TXNDC5: variants seen among roughly 807,000 people sequenced by gnomAD.
TXNDC5 encodes the protein thioredoxin domain-containing protein 5.
In TXNDC5, 44 loss-of-function variants were observed where a neutral mutation model predicts 52.6. The observed-to-expected ratio is 0.84, with a 90% confidence interval of 0.66 to 1.08. The LOEUF (loss-of-function observed/expected upper bound fraction) is 1.08, where lower values mean the gene tolerates loss of function less well. Among genes scored for constraint, TXNDC5 ranks in the 50% least tolerant of loss-of-function variants. The probability of loss-of-function intolerance (pLI) is 0.00; values close to 1 mark genes in which losing one functional copy is unlikely to be tolerated. For missense variants in TXNDC5, 600 were observed against 565.5 expected (o/e 1.06, Z -0.62); for synonymous variants, 241 against 234.4 (o/e 1.03, Z -0.26).
At chr6:7,887,980 C>T (rs988000485) in intron 7 of TXNDC5, among the ~76,000 whole-genome samples, 15 of 152,178 alleles carry the variant, frequency 9.9e-5, no homozygotes, top group African/African-American at 3.6e-4. Context: ...TCTCTAGCAG[C>T]CAAGCCCTGC....
At position 7,888,700 on chromosome 6, in the gene TXNDC5, C is replaced by A; in HGVS notation, c.963+5G>T. The A allele has an allele frequency of 1.2e-6, 2 of 1,607,354 alleles. No homozygotes were observed. The highest frequency in any genetic ancestry group is 1.7e-6 in the Non-Finnish European group (2 of 1,177,882). On this transcript the variant is annotated splice_donor_5th_base_variant and intron_variant, in intron 7 of 9. Transcript: ENST00000379757. ...ATGGGGATCCCGACTCCAGCAGGCA[C>A]CCACCTTGTCAGCCTCGGGCTCAGC...
intron 4 of TXNDC5, among the ~76,000 whole-genome samples, chr6:7,892,355 C>G (rs564879648): frequency 7.2e-5 from 11 of 152,214 alleles, no homozygotes; most frequent in African/African-American, 2.7e-4. Flanking sequence ...AAGTCTGGAC[C>G]ACGGGGAGCT....
intron 4 of TXNDC5, among the ~76,000 whole-genome samples, chr6:7,892,494 C>A (rs1489331599): frequency 6.6e-6 from 1 of 152,246 alleles, no homozygotes; most frequent in African/African-American, 2.4e-5. Flanking sequence ...CAGGAATGTG[C>A]ACTTCAGTGC....
chr6:7,908,610 C>T (rs562241754), intron 1 of TXNDC5, among the ~76,000 whole-genome samples: 1 of 152,054 alleles, frequency 6.6e-6, no homozygotes, highest in Admixed American at 6.5e-5. Flanking sequence ...CTGATTGAGG[C>T]CAGGAGTTTG....
intron 4 of TXNDC5, among the ~76,000 whole-genome samples, chr6:7,894,181 T>C (rs1760292009): frequency 6.6e-6 from 1 of 152,174 alleles, no homozygotes; most frequent in South Asian, 2.1e-4. Context: ...TACAGTGGCA[T>C]GATCACAGCT....
chr6:7,895,901 G>A (rs935626267), intron 3 of TXNDC5, among the ~76,000 whole-genome samples: 2 of 152,204 alleles, frequency 1.3e-5, no homozygotes, highest in Admixed American at 6.5e-5. Context: ...GCTGAGGTGG[G>A]AGGATCACTT....
rs754318499 is a variant in TXNDC5, at chr6:7,883,215, CACTG to C, written c.1224_1227del (p.Glu410ThrfsTer15). The C allele has an allele frequency of 7.4e-6, 12 of 1,614,022 alleles. No homozygotes were observed. Among genetic ancestry groups the C allele is most frequent in the Middle Eastern group, 1.6e-4 (1 of 6,084 alleles). Reference sequence around the variant, plus strand: ...TCAAGGTCTCTGCCTCCACTGTGCTCACTGACTTTCTTCCCTCCTCGGAAAAGCA... The same window carrying C: ...TCAAGGTCTCTGCCTCCACTGTGCTCACTTTCTTCCCTCCTCGGAAAAGCA... On this transcript the variant is annotated frameshift_variant, in exon 10 of 10. Transcript: ENST00000379757. LOFTEE classifies it high-confidence loss of function.
chr6:7,891,642 G>A lies in TXNDC5; in HGVS notation c.711C>T (p.Ser237=), dbSNP rs140867313. The A allele has an allele frequency of 2.4e-5, 38 of 1,613,660 alleles. 1 individual carries two copies. The highest frequency in any genetic ancestry group is 4.5e-5 in the East Asian group (2 of 44,876). ...TCACCTTGCCAATCTTGACAGTTTC[G>A]GAATGTTCAAGGCCCAGAGCCAGCT... ...WEQLALGLEH[S]ETVKIGKVDC... The change falls in exon 5 of 10, where the codon TCC becomes TCT. Residue 237 remains serine, a synonymous_variant. Coordinates refer to ENST00000379757, the MANE Select transcript of TXNDC5 (RefSeq NM_030810.5).
chr6:7,910,395 C>T lies in TXNDC5; in HGVS notation c.263+119G>A, dbSNP rs532782676. On this transcript the variant is annotated intron_variant, in intron 1 of 9. Transcript: ENST00000379757. ...AGCCCCGCGCCCGTAGCACGCACGC[C>T]GCAGACCAGAGCCGTCGGCGTCCAC... 1,231 of 1,151,234 alleles carry T rather than the reference C, an allele frequency of 1.1e-3. 2 individuals carry two copies. The highest frequency in any genetic ancestry group is 1.3e-3 in the Non-Finnish European group (1,177 of 920,336). 71.3% of individuals were successfully genotyped at this position (1,151,234 alleles called of 1,614,324 possible).
chr6:7,907,043 T>C (rs1189743087), intron 1 of TXNDC5, among the ~76,000 whole-genome samples: 4 of 152,198 alleles, frequency 2.6e-5, no homozygotes, highest in Admixed American at 2.6e-4. Flanking sequence ...GGCACCTTCC[T>C]AAGGGACTGT....
chr6:7,888,648 T>TG lies in TXNDC5; in HGVS notation c.963+56dup, dbSNP rs923279174. The stretch of plus-strand genomic sequence containing the variant: ...GAGGAGGCCTCTGAGGGTGGGGAGG[T>TG]GGGGGGCCGGGGGCCACGGGCCACT... On this transcript the variant is annotated intron_variant, in intron 7 of 9. Transcript: ENST00000379757. The TG allele has an allele frequency of 8.6e-6, 12 of 1,394,584 alleles. No homozygotes were observed. The African/African-American group carries it at 1.8e-4, about 21-fold the overall frequency. 86.4% of individuals were successfully genotyped at this position (1,394,584 alleles called of 1,614,324 possible).
chr6:7,902,044 G>C (rs556693022), intron 2 of TXNDC5, among the ~76,000 whole-genome samples: 1 of 152,182 alleles, frequency 6.6e-6, no homozygotes, highest in African/African-American at 2.4e-5. Flanking sequence ...CACACACAGA[G>C]AGAGAAGGGC....
intron 1 of TXNDC5, among the ~76,000 whole-genome samples, chr6:7,907,165 CTTTT>C (rs55914910): frequency 6.9e-6 from 1 of 143,910 alleles, no homozygotes; most frequent in South Asian, 2.2e-4. Flanking sequence ...TTTTTTTTCC[CTTTT>C]TTTTTTTTGA....
chr6:7,907,570 G>A (rs1474643754), intron 1 of TXNDC5, among the ~76,000 whole-genome samples: 1 of 152,186 alleles, frequency 6.6e-6, no homozygotes, highest in Non-Finnish European at 1.5e-5. Context: ...TTTGTTACAG[G>A]GGCCCCAGCC....
intron 2 of TXNDC5, chr6:7,899,912 G>A: frequency 2.7e-6 from 1 of 373,050 alleles, no homozygotes; most frequent in Non-Finnish European, 4.9e-6. Context: ...CTAAAATGAG[G>A]TGAAAACTTC....
rs1024576665 is a variant in TXNDC5, at chr6:7,910,648, C to T, written c.129G>A (p.Ala43=). 4 of 1,292,214 alleles carry T rather than the reference C, an allele frequency of 3.1e-6. No individual in the cohort carries two copies. The highest frequency in any genetic ancestry group is 2.0e-6 in the Non-Finnish European group (2 of 998,444). 80.0% of individuals were successfully genotyped at this position (1,292,214 alleles called of 1,614,324 possible). ...CCGCGGGGGGCCCGTCCGCCGCCGC[C>T]GCCGCCGCCTCCTGGGCCCGGGCGC... ...RWGARAQEAA[A]AAADGPPAAD... Residue 43 remains alanine, a synonymous_variant, in exon 1 of 10, where the codon GCG becomes GCA. Coordinates refer to ENST00000379757, the MANE Select transcript of TXNDC5 (RefSeq NM_030810.5).
Position 7,889,542 on chromosome 6 carries a change from G to T in TXNDC5, c.772C>A (p.Gln258Lys), listed in dbSNP as rs1458384309. ...TQHYELCSGN[Q>K]VRGYPTLLWF... Reference sequence around the variant, plus strand: ...AGAAGAGTGGGATAGCCACGAACCTGGTTTCCGGAGCAGAGTTCATAGTGC... The same window carrying T: ...AGAAGAGTGGGATAGCCACGAACCTTGTTTCCGGAGCAGAGTTCATAGTGC... Residue 258 changes from glutamine to lysine, a missense_variant, in exon 6 of 10, where the codon CAG (glutamine) becomes AAG (lysine). Transcript: ENST00000379757. 1 of 1,613,624 alleles carries T rather than the reference G, an allele frequency of 6.2e-7. No homozygotes were observed. Among genetic ancestry groups the T allele is most frequent in the Admixed American group, 1.7e-5 (1 of 60,008 alleles).
chr6:7,905,860 C>T (rs1014257017), intron 1 of TXNDC5, among the ~76,000 whole-genome samples: 1 of 152,200 alleles, frequency 6.6e-6, no homozygotes, highest in South Asian at 2.1e-4. Context: ...TATATGAACA[C>T]TCAACGCTTA....
intron 3 of TXNDC5, among the ~76,000 whole-genome samples, chr6:7,897,300 T>C (rs1760406300): frequency 6.6e-6 from 1 of 152,188 alleles, no homozygotes; most frequent in Admixed American, 6.5e-5. Context: ...AAATTGTCTT[T>C]TGAGTTTCTT....
Sources: gnomAD v4.1 joint callset for allele counts (sites outside exome capture counted in the v4.1 genomes callset) on GRCh38, gnomAD v4.1.1 for gene constraint, MANE v1.5 for transcripts, NCBI Gene and HGNC (gene_info 2026-07-23, HGNC 2026-07-21) for gene names.